Variants in RSPH14 observed in about 807,000 individuals in gnomAD.
RSPH14 encodes radial spoke head 14 homolog, also known as rhabdoid tumor deletion region gene 1.
Under a neutral mutation model 26.7 loss-of-function variants are expected in RSPH14, and 20 were observed. That is an observed-to-expected ratio of 0.75 (90% CI 0.53 to 1.09). RSPH14 has a LOEUF of 1.09. Among genes scored for constraint, RSPH14 ranks in the 50% least tolerant of loss-of-function variants. The pLI is 0.00. For missense variants in RSPH14, 449 were observed against 457.2 expected (o/e 0.98, Z 0.16); for synonymous variants, 177 against 189.3 (o/e 0.93, Z 0.53).
chr22:23,078,508 G>C (rs2068573584), intron 4 of RSPH14, among the ~76,000 whole-genome samples: 1 of 152,222 alleles, frequency 6.6e-6, no homozygotes, highest in Non-Finnish European at 1.5e-5. Context: ...GTGGCTCCTG[G>C]AGTGCTTGGC....
chr22:23,076,592 C>G (rs1161276443), intron 4 of RSPH14, among the ~76,000 whole-genome samples: 2 of 152,224 alleles, frequency 1.3e-5, no homozygotes, highest in Admixed American at 1.3e-4. Context: ...GTGGGTTACT[C>G]TCAAGCCAGA....
chr22:23,084,866 G>A (rs1416744043), intron 4 of RSPH14, among the ~76,000 whole-genome samples: 2 of 152,190 alleles, frequency 1.3e-5, no homozygotes, highest in African/African-American at 4.8e-5. Flanking sequence ...GCCAGAGGAC[G>A]CACTGTCTGC....
intron 4 of RSPH14, among the ~76,000 whole-genome samples, chr22:23,066,040 A>T (rs371550524): frequency 5.1e-4 from 78 of 152,200 alleles, no homozygotes; most frequent in African/African-American, 1.9e-3. Flanking sequence ...TCCTGGCTAT[A>T]GATTCAACTC....
chr22:23,146,783 A>G, upstream of RSPH14: 17 of 1,501,848 alleles, frequency 1.1e-5, no homozygotes, highest in Non-Finnish European at 1.5e-5. Context: ...AGGTGAATCA[A>G]GGAGGTCTGT....
the RSPH14 span, among the ~76,000 whole-genome samples, chr22:23,170,113 A>T: frequency 1.3e-5 from 2 of 151,480 alleles, no homozygotes; most frequent in Non-Finnish European, 2.9e-5. Flanking sequence ...AAAAAAAGCA[A>T]AAAAAGAAAA....
chr22:23,130,103 GAAAGAAAGAAAGAAAGAA>G (rs2070299706), intron 4 of RSPH14, among the ~76,000 whole-genome samples: 4 of 76,570 alleles, frequency 5.2e-5, no homozygotes. Context: ...AAGAAAGAAA[GAAAGAAAGAAAGAAAGAA>G]AGAAAGAAAG....
the RSPH14 span, among the ~76,000 whole-genome samples, chr22:23,166,028 C>T: frequency 3.7e-4 from 56 of 151,850 alleles, no homozygotes; most frequent in African/African-American, 1.3e-3. Context: ...CACCTGTAGT[C>T]CCAGCTACTT....
chr22:23,089,862 C>T (rs1601779808), intron 4 of RSPH14, among the ~76,000 whole-genome samples: 1 of 152,196 alleles, frequency 6.6e-6, no homozygotes, highest in South Asian at 2.1e-4. Flanking sequence ...TCCTTAAGAG[C>T]CTACAGCCAA....
At chr22:23,107,870 C>T (rs116798636) in intron 4 of RSPH14, among the ~76,000 whole-genome samples, 250 of 152,282 alleles carry the variant, frequency 1.6e-3, no homozygotes, top group African/African-American at 5.6e-3. Flanking sequence ...ACCCATTGAC[C>T]GACGAAGCCA....
At chr22:23,167,091 G>T in the RSPH14 span, among the ~76,000 whole-genome samples, 4 of 152,148 alleles carry the variant, frequency 2.6e-5, no homozygotes, top group South Asian at 4.2e-4. Flanking sequence ...CTCCTCCTCT[G>T]AACTCCTGGT....
chr22:23,168,189 T>C, the RSPH14 span, among the ~76,000 whole-genome samples: 1 of 152,130 alleles, frequency 6.6e-6, no homozygotes, highest in Non-Finnish European at 1.5e-5. Context: ...GACCCCATTT[T>C]CACAGGTGAG....
the RSPH14 span, among the ~76,000 whole-genome samples, chr22:23,178,770 T>C: frequency 1.3e-4 from 20 of 152,242 alleles, no homozygotes; most frequent in African/African-American, 4.6e-4. Flanking sequence ...TTGTGTTTTA[T>C]GTTTGCCCCA....
chr22:23,104,941 G>T (rs1232031990), intron 4 of RSPH14, among the ~76,000 whole-genome samples: 1 of 152,230 alleles, frequency 6.6e-6, no homozygotes, highest in Non-Finnish European at 1.5e-5. Context: ...CAGAGTGAAA[G>T]GTGTTTCTTC....
At chr22:23,171,064 T>G in the RSPH14 span, among the ~76,000 whole-genome samples, 1 of 151,656 alleles carries the variant, frequency 6.6e-6, no homozygotes, top group Admixed American at 6.6e-5. Context: ...GCCTCCCGGG[T>G]TCAAGCGATC....
intron 4 of RSPH14, chr22:23,124,632 G>A (rs2070127890): frequency 4.6e-6 from 1 of 219,508 alleles, no homozygotes; most frequent in South Asian, 4.4e-5. Flanking sequence ...AGTGAAGGAA[G>A]GGGAGCAAGG....
At chr22:23,065,016 C>T (rs1406492724) in intron 4 of RSPH14, among the ~76,000 whole-genome samples, 2 of 152,182 alleles carry the variant, frequency 1.3e-5, no homozygotes, top group African/African-American at 2.4e-5. Flanking sequence ...CAGCTGCCCT[C>T]GCCACTGCCC....
chr22:23,177,216 T>C, the RSPH14 span, among the ~76,000 whole-genome samples: 2 of 152,208 alleles, frequency 1.3e-5, no homozygotes, highest in Non-Finnish European at 2.9e-5. Context: ...TCCTTGTCCT[T>C]AGGACCAGCT....
intron 4 of RSPH14, among the ~76,000 whole-genome samples, chr22:23,128,109 G>T (rs879750836): frequency 6.6e-6 from 1 of 152,202 alleles, no homozygotes; most frequent in Non-Finnish European, 1.5e-5. Flanking sequence ...TCACAGGTGT[G>T]CCCAGTCAGG....
intron 4 of RSPH14, among the ~76,000 whole-genome samples, chr22:23,125,302 G>C (rs73386675): frequency 6.2e-4 from 95 of 152,088 alleles, no homozygotes; most frequent in African/African-American, 2.1e-3. Context: ...TGCCCCTCCC[G>C]CTGCCCCCAA....
Sources: gnomAD v4.1 joint callset for allele counts (sites outside exome capture counted in the v4.1 genomes callset) on GRCh38, gnomAD v4.1.1 for gene constraint, MANE v1.5 for transcripts, NCBI Gene and HGNC (gene_info 2026-07-23, HGNC 2026-07-21) for gene names.